DLC1: variants seen among roughly 807,000 people sequenced by gnomAD.
DLC1 encodes rho GTPase-activating protein 7.
DLC1 carries 54 observed loss-of-function variants against 140.3 expected under a neutral mutation model. The observed-to-expected ratio is 0.38, with a 90% CI of 0.31 to 0.48. The LOEUF is 0.48. Ranked by LOEUF, DLC1 falls within the 20% of genes least tolerant of loss-of-function variation. The probability of loss-of-function intolerance (pLI) is 0.96; values close to 1 mark genes in which losing one functional copy is unlikely to be tolerated. For synonymous variants in DLC1, 986 were observed against 728.1 expected, an observed-to-expected ratio of 1.35 and a Z score of -5.70; for missense variants, 2,536 against 1,907.0, an observed-to-expected ratio of 1.33 and a Z score of -6.14.
At chr8:13,250,267 G>T (rs1829945686) in intron 5 of DLC1, among the ~76,000 whole-genome samples, 1 of 152,002 alleles carries the variant, frequency 6.6e-6, no homozygotes, top group South Asian at 2.1e-4. Context: ...CTTTCTGATA[G>T]AACAATATTG....
At chr8:13,234,827 G>T (rs1049625190) in intron 5 of DLC1, among the ~76,000 whole-genome samples, 26 of 152,032 alleles carry the variant, frequency 1.7e-4, no homozygotes, top group African/African-American at 6.0e-4. Context: ...TCTTGGCAAA[G>T]AAAAGAGAGA....
chr8:13,595,756 G>T (rs1422307296), intron 1 of DLC1, among the ~76,000 whole-genome samples: 2 of 151,776 alleles, frequency 1.3e-5, no homozygotes, highest in African/African-American at 4.8e-5. Flanking sequence ...AATTGCCTGG[G>T]GTTTATTGCA....
intron 5 of DLC1, among the ~76,000 whole-genome samples, chr8:13,267,621 T>A (rs927136654): frequency 3.3e-5 from 5 of 152,206 alleles, no homozygotes; most frequent in African/African-American, 1.2e-4. Context: ...CACTGCATAG[T>A]GTCAACAATC....
intron 5 of DLC1, among the ~76,000 whole-genome samples, chr8:13,264,841 G>C (rs189903058): frequency 1.5e-4 from 23 of 152,304 alleles, no homozygotes; most frequent in Middle Eastern, 3.4e-3. Context: ...AAAACAATGA[G>C]TATGTTATGA....
chr8:13,100,890 AT>A, intron 8 of DLC1, 120 bp from the exon 9 acceptor site: 3 of 874,654 alleles, frequency 3.4e-6, no homozygotes, highest in Non-Finnish European at 4.7e-6. Context: ...GTACTTCATG[AT>A]TTTAATTTTA....
rs143335816 is a variant in DLC1 at position 13,445,124 on chromosome 8, C to T, written c.1024-43505G>A. 1.1e-3 allele frequency among the ~76,000 whole-genome samples: 171 copies of T among 150,558 alleles called. 1 individual carries two copies. The highest frequency in any genetic ancestry group is 3.8e-3 in the African/African-American group (156 of 40,964). On this transcript the variant is annotated intron_variant, in intron 2 of 17. Transcript: ENST00000276297. ...AAGAGAAAGTGTGTGACAAAGAGGGCGAAAGGAAGAGAGCACAGAGGGAGG... is the reference window on the plus strand; with the variant it reads ...AAGAGAAAGTGTGTGACAAAGAGGGTGAAAGGAAGAGAGCACAGAGGGAGG...
intron 1 of DLC1, chr8:13,567,920 C>T (rs745996247): frequency 2.6e-6 from 4 of 1,550,842 alleles, no homozygotes; most frequent in Non-Finnish European, 3.5e-6. Context: ...CTAATCAAAC[C>T]AGAGCTGGTG....
At chr8:13,170,729 CAAAA>C (rs1179460110) in intron 5 of DLC1, among the ~76,000 whole-genome samples, 2 of 63,142 alleles carry the variant, frequency 3.2e-5, no homozygotes, top group African/African-American at 6.5e-5. Context: ...GACTCCATCT[CAAAA>C]AAAAAAAAAA....
chr8:13,098,034 GA>G (rs35785512), intron 10 of DLC1, among the ~76,000 whole-genome samples: 25,667 of 71,648 alleles, frequency 0.36, 1,709 homozygotes, highest in South Asian at 0.42. Context: ...AAGGAAAAAA[GA>G]AAAAAAAAAA....
In DLC1 at chr8:13,472,649, G is replaced by A. The variant is rs1235705804; in HGVS notation, c.1023+26400C>T. ...ACCAGCCTTGGGCCTCAATTGGCAGGGAATGCTAGTGTCTTAAACAAGACT... is the reference window on the plus strand; with the variant it reads ...ACCAGCCTTGGGCCTCAATTGGCAGAGAATGCTAGTGTCTTAAACAAGACT... On this transcript the variant is annotated intron_variant, in intron 2 of 17. Coordinates refer to ENST00000276297, the MANE Select transcript of DLC1 (RefSeq NM_182643.3). Among the ~76,000 whole-genome samples the A allele has an allele frequency of 2.6e-5, 4 of 152,124 alleles. No homozygotes were observed. In the East Asian group the frequency reaches 7.7e-4, roughly 29 times the overall value.
chr8:13,376,320 A>C (rs1205176862), intron 4 of DLC1, among the ~76,000 whole-genome samples: 20 of 152,188 alleles, frequency 1.3e-4, no homozygotes. Context: ...AAATAAGTCC[A>C]AACGGGAAGC....
intron 5 of DLC1, among the ~76,000 whole-genome samples, chr8:13,289,877 C>T (rs1349925652): frequency 2.0e-5 from 3 of 152,062 alleles, no homozygotes; most frequent in Non-Finnish European, 2.9e-5. Flanking sequence ...TTTTAATTAC[C>T]TTAAAAGGTT....
intron 5 of DLC1, among the ~76,000 whole-genome samples, chr8:13,285,658 G>A (rs570214466): frequency 3.7e-4 from 57 of 152,250 alleles, no homozygotes; most frequent in Non-Finnish European, 6.0e-4. Flanking sequence ...ACTAAGTGTT[G>A]GAGAGAATGT....
intron 1 of DLC1, among the ~76,000 whole-genome samples, chr8:13,505,916 A>T (rs1001736169): frequency 6.6e-6 from 1 of 152,188 alleles, no homozygotes; most frequent in African/African-American, 2.4e-5. Context: ...CATGCACATA[A>T]ATGGGGAATT....
chr8:13,263,010 G>A (rs1830526415), intron 5 of DLC1, among the ~76,000 whole-genome samples: 2 of 152,158 alleles, frequency 1.3e-5, no homozygotes, highest in Admixed American at 1.3e-4. Flanking sequence ...TGTTACTAGT[G>A]CATTTAATAG....
intron 1 of DLC1, among the ~76,000 whole-genome samples, chr8:13,561,960 A>G (rs967328189): frequency 1.3e-5 from 2 of 152,216 alleles, no homozygotes; most frequent in African/African-American, 2.4e-5. Context: ...ATATGATTAT[A>G]TATTTGGAAA....
chr8:13,132,205 C>CTGTGTGTGTGTG (rs147699066), intron 5 of DLC1, among the ~76,000 whole-genome samples: 5,025 of 139,106 alleles, frequency 0.036, 278 homozygotes, highest in African/African-American at 0.12. Context: ...AAAACCAAAA[C>CTGTGTGTGTGTG]TGTGTGTGTG....
chr8:13,379,332 T>C (rs753896960), intron 4 of DLC1, among the ~76,000 whole-genome samples: 12 of 152,208 alleles, frequency 7.9e-5, no homozygotes, highest in Non-Finnish European at 1.5e-4. Flanking sequence ...AATGGGGTTA[T>C]GTTCCAATGA....
At chr8:13,291,951 C>A (rs1052098590) in intron 5 of DLC1, among the ~76,000 whole-genome samples, 2 of 150,582 alleles carry the variant, frequency 1.3e-5, no homozygotes, top group Non-Finnish European at 2.9e-5. Context: ...CGCTCAGATT[C>A]TACCAGGAAA....
Sources: gnomAD v4.1 joint callset for allele counts (sites outside exome capture counted in the v4.1 genomes callset) on GRCh38, gnomAD v4.1.1 for gene constraint, MANE v1.5 for transcripts, NCBI Gene and HGNC (gene_info 2026-07-23, HGNC 2026-07-21) for gene names.